REG4: variants seen among roughly 807,000 people sequenced by gnomAD.
REG4 encodes regenerating family member 4.
REG4 carries 16 observed loss-of-function variants against 22.3 expected under a neutral mutation model. The observed-to-expected ratio is 0.72, with a 90% CI of 0.49 to 1.09. The LOEUF (loss-of-function observed/expected upper bound fraction) is 1.09. Among genes scored for constraint, REG4 ranks in the 50% least tolerant of loss-of-function variants. The pLI, the probability that REG4 is intolerant of heterozygous loss-of-function variation, is 0.00. For missense variants in REG4, 214 were observed against 193.9 expected, an observed-to-expected ratio of 1.10 and a Z score of -0.61; for synonymous variants, 71 against 69.2, an observed-to-expected ratio of 1.03 and a Z score of -0.13.
chr1:119,795,001 G>A (rs922512606), intron 5 of REG4, among the ~76,000 whole-genome samples: 11 of 152,252 alleles, frequency 7.2e-5, no homozygotes, highest in Admixed American at 2.0e-4. Flanking sequence ...CCTCCAGACC[G>A]TCTTTGGACT....
intron 2 of REG4, among the ~76,000 whole-genome samples, chr1:119,806,000 C>T (rs924459924): frequency 2.6e-5 from 4 of 152,208 alleles, no homozygotes; most frequent in Non-Finnish European, 4.4e-5. Context: ...GGCGCCATCT[C>T]GGCTCACTGC....
chr1:119,803,133 A>G lies in REG4; in HGVS notation c.100T>C (p.Trp34Arg). The G allele has an allele frequency of 1.3e-6, 2 of 1,530,776 alleles. No homozygotes were observed. The highest frequency in any genetic ancestry group is 1.3e-5 in the South Asian group (1 of 75,986). 94.8% of individuals were successfully genotyped at this position (1,530,776 alleles called of 1,614,324 possible). Residue 34 changes from tryptophan to arginine, a missense_variant, in exon 3 of 6, where the codon TGG becomes CGG. Transcript: ENST00000256585. ...TAGCAATTGGACTTGTGGTAAAACC[A>G]TCCAGGAGCACAGCTGGGTCTCATG... ...IIMRPSCAPG[W>R]FYHKSNCYGY...
Position 119,803,124 on chromosome 1 carries a change from GGTA to G in REG4, c.106_108del (p.Tyr36del). The G allele has an allele frequency of 6.5e-7, 1 of 1,536,148 alleles. No individual in the cohort carries two copies. The highest frequency in any genetic ancestry group is 8.7e-7 in the Non-Finnish European group (1 of 1,144,738). On this transcript the variant is annotated inframe_deletion, in exon 3 of 6. Transcript: ENST00000256585. ...AAGTAACCATAGCAATTGGACTTGT[GGTA>G]AAACCATCCAGGAGCACAGCTGGGT...
chr1:119,808,829 C>A lies in REG4; in HGVS notation c.-60G>T. Reference sequence around the variant, plus strand: ...GATCTCAGAGACCTTACTAGCGCTTCTTTGAAACTCCTGGGTTCTCCTTGA... The same window carrying A: ...GATCTCAGAGACCTTACTAGCGCTTATTTGAAACTCCTGGGTTCTCCTTGA... On this transcript the variant is annotated 5_prime_UTR_variant, in exon 2 of 6. Transcript: ENST00000256585. 4.5e-5 allele frequency: 56 copies of A among 1,250,488 alleles called. No homozygotes were observed. The highest frequency in any genetic ancestry group is 6.4e-5 in the Non-Finnish European group (55 of 859,208). The allele number at this position is 1,250,488 out of a possible 1,614,324, so 77.5% of individuals were successfully genotyped here. A position where few individuals can be genotyped will look rare whatever the true frequency, so the allele number is the denominator to read the frequency against.
chr1:119,799,696 A>T (rs1338963529), intron 4 of REG4, 29 bp downstream of exon 4: 1 of 1,605,276 alleles, frequency 6.2e-7, no homozygotes, highest in Non-Finnish European at 8.5e-7. Flanking sequence ...CTTTCCCAAG[A>T]GGGCCTTTGT....
chr1:119,799,811 A>G lies in REG4; in HGVS notation c.217T>C (p.Leu73=), dbSNP rs1378096641. The G allele has an allele frequency of 6.2e-7, 1 of 1,614,162 alleles. No homozygotes were observed. The highest frequency in any genetic ancestry group is 1.7e-5 in the Admixed American group (1 of 60,022). ...TCTGCTATGGTGCTGGCTTCCTTTA[A>G]ACTCAGGATAGATGCCAGGTGGGCT... ...NGAHLASILS[L]KEASTIAEYI... Residue 73 remains leucine (L), a synonymous_variant, in exon 4 of 6, where the codon TTA becomes CTA. Coordinates refer to ENST00000256585, the MANE Select transcript of REG4 (RefSeq NM_032044.4).
chr1:119,797,321 G>T (rs1165690054), intron 5 of REG4, among the ~76,000 whole-genome samples: 1 of 152,118 alleles, frequency 6.6e-6, no homozygotes, highest in Non-Finnish European at 1.5e-5. Context: ...TGCTCTCACT[G>T]GTCTGTGAAA....
intron 2 of REG4, among the ~76,000 whole-genome samples, chr1:119,804,351 G>GT (rs1654223004): frequency 6.6e-6 from 1 of 152,198 alleles, no homozygotes; most frequent in African/African-American, 2.4e-5. Flanking sequence ...CGTCTAGCAT[G>GT]TAAGAGATTT....
chr1:119,795,040 A>G (rs908276498), intron 5 of REG4, among the ~76,000 whole-genome samples: 2 of 152,204 alleles, frequency 1.3e-5, no homozygotes, highest in Admixed American at 1.3e-4. Context: ...TCCTGCAAGA[A>G]TTTCCAGGCT....
intron 1 of REG4, among the ~76,000 whole-genome samples, chr1:119,810,103 TCTTA>T (rs1344823714): frequency 1.1e-4 from 16 of 152,250 alleles, no homozygotes; most frequent in East Asian, 3.9e-4. Context: ...TGTATTTTTC[TCTTA>T]CTTATTATAA....
intron 1 of REG4, among the ~76,000 whole-genome samples, chr1:119,810,109 T>TA (rs587655451): frequency 1.8e-3 from 271 of 152,260 alleles, no homozygotes; most frequent in African/African-American, 6.2e-3. Context: ...TTTCTCTTAC[T>TA]TATTATAATT....
intron 3 of REG4, chr1:119,802,460 A>T: frequency 2.9e-5 from 29 of 1,006,206 alleles, no homozygotes; most frequent in Non-Finnish European, 3.4e-5. Flanking sequence ...TGCCAAATGT[A>T]CCTATATGGC....
At chr1:119,799,409 TACACACACACACACACAC>T (rs58324924) in intron 4 of REG4, among the ~76,000 whole-genome samples, 1 of 150,238 alleles carries the variant, frequency 6.7e-6, no homozygotes, top group South Asian at 2.1e-4. Flanking sequence ...CCTGTGTGCG[TACACACACACACACACAC>T]ACACACACAC....
In REG4 at chr1:119,807,097, C is replaced by G. The variant is rs587739626; in HGVS notation, c.67+1606G>C. ...TTTAGTGTCCATAAATGATGTTGCT[C>G]TATGTCTCTCCACTCACTGAATCAA... On this transcript the variant is annotated intron_variant, in intron 2 of 5. Coordinates refer to ENST00000256585, the MANE Select transcript of REG4 (RefSeq NM_032044.4). 1.8e-4 allele frequency among the ~76,000 whole-genome samples: 27 copies of G among 152,300 alleles called. 1 individual carries two copies. Among genetic ancestry groups the G allele is most frequent in the South Asian group, 6.2e-4 (3 of 4,822 alleles).
Position 119,794,579 on chromosome 1 carries a change from CG to C in REG4, c.*38del, listed in dbSNP as rs80287294. 13,319 of 1,558,464 alleles carry C rather than the reference CG, an allele frequency of 8.5e-3. 380 individuals carry two copies. Among genetic ancestry groups the C allele is most frequent in the East Asian group, 0.085 (3,808 of 44,626 alleles). Reference sequence around the variant, plus strand: ...GCCAGGCTAGCAGAAAGGAAGAGGACGGGGCTGTGCAGGAGTTAGCAGAATC... The same window carrying C: ...GCCAGGCTAGCAGAAAGGAAGAGGACGGGCTGTGCAGGAGTTAGCAGAATC... On this transcript the variant is annotated 3_prime_UTR_variant, in exon 6 of 6. Coordinates refer to ENST00000256585, the MANE Select transcript of REG4 (RefSeq NM_032044.4).
At chr1:119,810,302 C>T (rs185763912) in intron 1 of REG4, among the ~76,000 whole-genome samples, 1 of 152,166 alleles carries the variant, frequency 6.6e-6, no homozygotes, top group African/African-American at 2.4e-5. Context: ...GGATTTCCCT[C>T]CCAAATAATT....
At position 119,809,064 on chromosome 1, in the gene REG4, CTA is replaced by C. The variant is rs587606190; in HGVS notation, c.-94-203_-94-202del. 1.7e-3 allele frequency: 508 copies of C among 305,050 alleles called. 4 individuals are homozygous for C. Among genetic ancestry groups the C allele is most frequent in the African/African-American group, 0.01 (469 of 45,416 alleles). The allele number at this position is 305,050 out of a possible 1,614,324, so 18.9% of individuals were successfully genotyped here. On this transcript the variant is annotated intron_variant, in intron 1 of 5. Coordinates refer to ENST00000256585, the MANE Select transcript of REG4 (RefSeq NM_032044.4). Reference sequence around the variant, plus strand: ...TCCTGGGCCAGTGCCAGAGATCTAACTATAGCAGGCTGAACAGTTTCATAGTC... The same window carrying C: ...TCCTGGGCCAGTGCCAGAGATCTAACTAGCAGGCTGAACAGTTTCATAGTC...
rs775997617 is a variant in REG4 at position 119,799,770 on chromosome 1, A to G, written c.258T>C (p.Tyr86=). Residue 86 remains tyrosine, a synonymous_variant, in exon 4 of 6, where the codon TAT becomes TAC. Coordinates refer to ENST00000256585, the MANE Select transcript of REG4 (RefSeq NM_032044.4). ...CAATCCATATCGGCTGGCTTCTCTG[A>G]TAGCCACTTATGTACTCTGCTATGG... ...ASTIAEYISG[Y]QRSQPIWIGL... The G allele has an allele frequency of 3.7e-6, 6 of 1,613,988 alleles. No homozygotes were observed. In the Admixed American group the frequency reaches 5.0e-5, roughly 13 times the overall value.
At chr1:119,795,902 T>G (rs587728132) in intron 5 of REG4, among the ~76,000 whole-genome samples, 1 of 152,342 alleles carries the variant, frequency 6.6e-6, no homozygotes, top group African/African-American at 2.4e-5. Context: ...CCTTTTGAGG[T>G]TGCTGCCCAT....
Sources: allele counts gnomAD v4.1 joint callset (sites outside exome capture counted in the v4.1 genomes callset), GRCh38; gene constraint gnomAD v4.1.1; transcripts MANE v1.5; gene names NCBI Gene and HGNC (gene_info 2026-07-23, HGNC 2026-07-21).